Variants in WDTC1 observed in about 807,000 individuals in gnomAD.
WDTC1 encodes the protein WD and tetratricopeptide repeats protein 1.
Under a neutral mutation model 76.0 loss-of-function variants are expected in WDTC1, and 12 were observed. The observed-to-expected ratio is 0.16, with a 90% CI of 0.10 to 0.26. The LOEUF (loss-of-function observed/expected upper bound fraction) is 0.26, where lower values mean the gene tolerates loss of function less well. Among genes scored for constraint, WDTC1 ranks in the 10% least tolerant of loss-of-function variants. The pLI, the probability that WDTC1 is intolerant of heterozygous loss-of-function variation, is 1.00. For missense variants in WDTC1, 511 were observed against 908.8 expected, an observed-to-expected ratio of 0.56 and a Z score of 5.63; for synonymous variants, 326 against 350.8, an observed-to-expected ratio of 0.93 and a Z score of 0.79.
chr1:27,298,962 G>A (rs781410373), intron 12 of WDTC1, among the ~76,000 whole-genome samples: 5 of 152,198 alleles, frequency 3.3e-5, no homozygotes, highest in Non-Finnish European at 7.3e-5. Context: ...GTGGGGGTGG[G>A]GAAGATGCTG....
rs530597761 is a variant in WDTC1, at chr1:27,234,912, G to A, written c.-139G>A. On this transcript the variant is annotated 5_prime_UTR_variant, in exon 1 of 16. It removes the in-frame stop codon of an upstream open reading frame in the 5' UTR. Transcript: ENST00000319394. ...CCCCCCCGGACGGACATGGGCTCCT[G>A]AAGTTGCGCCGCTGCCGGTCGGGGG... The A allele has an allele frequency of 5.5e-3, 2,189 of 395,412 alleles. 10 individuals are homozygous for A. The highest frequency in any genetic ancestry group is 5.9e-3 in the Non-Finnish European group (1,315 of 223,980). 24.5% of individuals were successfully genotyped at this position (395,412 alleles called of 1,614,324 possible).
In WDTC1 at chr1:27,294,608, A is replaced by G; in HGVS notation, c.852A>G (p.Leu284=). ...TCAGCCCCAATGGCACAGAGCTACTAGTCAACATGGGGGGGGAACAGGTAT... is the reference window on the plus strand; with the variant it reads ...TCAGCCCCAATGGCACAGAGCTACTGGTCAACATGGGGGGGGAACAGGTAT... The part of the protein sequence containing the change: ...VTFSPNGTEL[L]VNMGGEQVYL... The change falls in exon 9 of 16, where the codon CTA becomes CTG. Residue 284 remains leucine (L), a synonymous_variant. Transcript: ENST00000319394. 1.9e-6 allele frequency: 3 copies of G among 1,614,122 alleles called. No individual in the cohort carries two copies. Among genetic ancestry groups the G allele is most frequent in the African/African-American group, 2.7e-5 (2 of 75,044 alleles).
chr1:27,255,897 G>T (rs1295317926), intron 1 of WDTC1, among the ~76,000 whole-genome samples: 2 of 151,884 alleles, frequency 1.3e-5, no homozygotes, highest in Non-Finnish European at 2.9e-5. Flanking sequence ...CTTCTTCTGG[G>T]GTCTTAGCAC....
chr1:27,277,020 T>A (rs775010922), intron 3 of WDTC1, among the ~76,000 whole-genome samples: 2 of 126,986 alleles, frequency 1.6e-5, no homozygotes, highest in Admixed American at 1.9e-4. Context: ...TTAATGAAAT[T>A]CAATTTATGT....
chr1:27,299,692 G>C (rs1201248101), intron 12 of WDTC1, among the ~76,000 whole-genome samples: 1 of 152,108 alleles, frequency 6.6e-6, no homozygotes, highest in Non-Finnish European at 1.5e-5. Flanking sequence ...GAGCGGTGAC[G>C]TTGGCCTCGA....
Position 27,287,742 on chromosome 1 carries a change from C to T in WDTC1, c.360C>T (p.Asp120=), listed in dbSNP as rs2013383119. ...CCGACTCTAAGGTGCATGTGCACGACCTGACAGTAAAGGAGACCATCCACA... is the reference window on the plus strand; with the variant it reads ...CCGACTCTAAGGTGCATGTGCACGATCTGACAGTAAAGGAGACCATCCACA... ...GAADSKVHVH[D]LTVKETIHMF... is the part of the protein sequence containing the mutation. The change falls in exon 6 of 16, where the codon GAC becomes GAT. Residue 120 remains aspartate, a synonymous_variant. Transcript: ENST00000319394. 3.7e-6 allele frequency: 6 copies of T among 1,614,050 alleles called. No homozygotes were observed. Among genetic ancestry groups the T allele is most frequent in the Admixed American group, 1.7e-5 (1 of 59,994 alleles).
chr1:27,262,433 G>C (rs2012509067), intron 2 of WDTC1, among the ~76,000 whole-genome samples: 1 of 151,590 alleles, frequency 6.6e-6, no homozygotes, highest in African/African-American at 2.4e-5. Context: ...TTGTTGCCCA[G>C]GCTGGAGTGC....
intron 3 of WDTC1, among the ~76,000 whole-genome samples, chr1:27,277,709 G>A (rs1354155085): frequency 6.6e-6 from 1 of 152,152 alleles, no homozygotes; most frequent in Non-Finnish European, 1.5e-5. Context: ...GTACCACACT[G>A]TTTTGATTGC....
chr1:27,254,615 T>C (rs1341533093), intron 1 of WDTC1, among the ~76,000 whole-genome samples: 1 of 151,866 alleles, frequency 6.6e-6, no homozygotes, highest in East Asian at 1.9e-4. Context: ...GAATGCTAAG[T>C]AGGCATCAGT....
intron 1 of WDTC1, among the ~76,000 whole-genome samples, chr1:27,235,505 G>A (rs2011476800): frequency 6.6e-6 from 1 of 151,378 alleles, no homozygotes; most frequent in Non-Finnish European, 1.5e-5. Context: ...TCCACCAGGC[G>A]ACTGTAGCAC....
intron 1 of WDTC1, among the ~76,000 whole-genome samples, chr1:27,249,504 T>A (rs1049586685): frequency 1.3e-5 from 2 of 152,232 alleles, no homozygotes; most frequent in African/African-American, 2.4e-5. Flanking sequence ...TTCCATTGTA[T>A]GGATATACCA....
chr1:27,283,267 T>C lies in WDTC1; in HGVS notation c.180-71T>C, dbSNP rs1241216101. 5 of 1,402,988 alleles carry C rather than the reference T, an allele frequency of 3.6e-6. 1 individual carries two copies. The highest frequency in any genetic ancestry group is 5.0e-6 in the Non-Finnish European group (5 of 996,548). The allele number at this position is 1,402,988 out of a possible 1,614,324, so 86.9% of individuals were successfully genotyped here. On this transcript the variant is annotated intron_variant, in intron 4 of 15. Coordinates refer to ENST00000319394, the MANE Select transcript of WDTC1 (RefSeq NM_001276252.2). ...TTCTGTAACCTAACTCCTTGTAAAC[T>C]GAGAACATGGGATGGGGAAAGGGAG...
intron 1 of WDTC1, among the ~76,000 whole-genome samples, chr1:27,249,266 CAAA>C (rs71010343): frequency 7.1e-6 from 1 of 140,246 alleles, no homozygotes; most frequent in South Asian, 2.2e-4. Context: ...GAGACTGTCT[CAAA>C]AAAAAAAAAA....
intron 8 of WDTC1, 142 bp downstream of exon 8, chr1:27,294,258 C>T: frequency 1.1e-6 from 1 of 902,380 alleles, no homozygotes; most frequent in East Asian, 2.7e-5. Flanking sequence ...CCCAACTCTG[C>T]CATTGACAAG....
chr1:27,282,168 C>A, intron 3 of WDTC1, 71 bp from the exon 4 acceptor site: 1 of 1,469,020 alleles, frequency 6.8e-7, no homozygotes, highest in Non-Finnish European at 9.5e-7. Flanking sequence ...TTCAGTTCCA[C>A]TTCTTGGTGT....
rs559649377 is a variant in WDTC1 at position 27,306,482 on chromosome 1, C to G, written c.*99C>G. The G allele has an allele frequency of 7.3e-7, 1 of 1,371,580 alleles. No individual in the cohort carries two copies. The highest frequency in any genetic ancestry group is 1.5e-5 in the African/African-American group (1 of 68,616). The allele number at this position is 1,371,580 out of a possible 1,614,324, so 85.0% of individuals were successfully genotyped here. The stretch of plus-strand genomic sequence containing the variant: ...GTTTTGGTTTGTCTTCCCCACCACC[C>G]TTTTTTTTCATTTCCCCTGTTTTGT... On this transcript the variant is annotated 3_prime_UTR_variant, in exon 16 of 16. Transcript: ENST00000319394. This position sits in a 1 kb window ranked among gnomAD's most constrained non-coding sequence, Gnocchi z 5.0.
At chr1:27,280,180 A>G (rs1324467744) in intron 3 of WDTC1, among the ~76,000 whole-genome samples, 1 of 152,232 alleles carries the variant, frequency 6.6e-6, no homozygotes, top group Non-Finnish European at 1.5e-5. Flanking sequence ...AGGGCCTGAC[A>G]CATAGTAAGC....
chr1:27,285,985 T>C (rs1256751119), intron 5 of WDTC1, among the ~76,000 whole-genome samples: 5 of 148,726 alleles, frequency 3.4e-5, no homozygotes, highest in African/African-American at 4.9e-5. Flanking sequence ...CTTGCCTTTA[T>C]CAGGATGGTG....
intron 1 of WDTC1, among the ~76,000 whole-genome samples, chr1:27,240,354 G>A (rs946142502): frequency 6.6e-6 from 1 of 152,122 alleles, no homozygotes; most frequent in African/African-American, 2.4e-5. Context: ...TTGAACCCAT[G>A]TCTCCTCCTT....
Sources: allele counts gnomAD v4.1 joint callset (sites outside exome capture counted in the v4.1 genomes callset), GRCh38; gene constraint gnomAD v4.1.1; non-coding constraint Gnocchi (gnomAD v3.1); transcripts MANE v1.5; gene names NCBI Gene and HGNC (gene_info 2026-07-23, HGNC 2026-07-21).